The following IPCEF1 variants were observed in gnomAD, a reference collection of about 807,000 sequenced individuals.
IPCEF1 encodes interaction protein for cytohesin exchange factors 1, also known as interactor protein for cytohesin exchange factors 1.
A neutral mutation model predicts 50.9 loss-of-function variants in IPCEF1; 31 were observed. The ratio of observed to expected loss-of-function variants is 0.61; its 90% CI spans 0.46 to 0.82. The LOEUF is 0.82. IPCEF1 is among the 40% of genes least tolerant of loss of function. IPCEF1 has a pLI of 0.00. For missense variants in IPCEF1, 458 were observed against 514.0 expected, an observed-to-expected ratio of 0.89 and a Z score of 1.05; for synonymous variants, 181 against 192.0, an observed-to-expected ratio of 0.94 and a Z score of 0.47.
chr6:154,191,245 T>C (rs998528144), intron 10 of IPCEF1, among the ~76,000 whole-genome samples: 5 of 151,792 alleles, frequency 3.3e-5, no homozygotes, highest in African/African-American at 1.2e-4. Context: ...GGGAGAAGGG[T>C]AGAAGGATGA....
At chr6:154,211,233 G>A (rs112187847) in intron 9 of IPCEF1, among the ~76,000 whole-genome samples, 15 of 151,984 alleles carry the variant, frequency 9.9e-5, no homozygotes, top group African/African-American at 3.1e-4. Flanking sequence ...TGGCTAACAC[G>A]GTGAAATCCC....
At chr6:154,315,832 T>G (rs11754066) in intron 1 of IPCEF1, among the ~76,000 whole-genome samples, 9,949 of 147,422 alleles carry the variant, frequency 0.067, 577 homozygotes, top group African/African-American at 0.17. Context: ...CAATTTTTTT[T>G]GGGGGGGAGC....
chr6:154,227,330 G>A (rs923819431), intron 5 of IPCEF1, among the ~76,000 whole-genome samples: 1 of 152,156 alleles, frequency 6.6e-6, no homozygotes, highest in Non-Finnish European at 1.5e-5. Context: ...CTCATTTTCA[G>A]TACAATAAAT....
chr6:154,175,453 G>C (rs565926114), intron 10 of IPCEF1, among the ~76,000 whole-genome samples: 100 of 148,338 alleles, frequency 6.7e-4, no homozygotes, highest in Non-Finnish European at 1.2e-3. Flanking sequence ...GAAGAAAGAA[G>C]AATCAAATAG....
chr6:154,300,482 C>T (rs1272356398), intron 1 of IPCEF1, among the ~76,000 whole-genome samples: 4 of 152,062 alleles, frequency 2.6e-5, no homozygotes, highest in East Asian at 1.9e-4. Flanking sequence ...GGCATGGTAG[C>T]GTGCACTGTA....
At chr6:154,201,759 G>A (rs1292320227) in intron 9 of IPCEF1, among the ~76,000 whole-genome samples, 1 of 152,186 alleles carries the variant, frequency 6.6e-6, no homozygotes, top group African/African-American at 2.4e-5. Context: ...GCAGGACATG[G>A]TGGCTCATGC....
chr6:154,334,478 AG>A (rs35988173), intron 1 of IPCEF1, among the ~76,000 whole-genome samples: 46,504 of 152,096 alleles, frequency 0.31, 8,155 homozygotes, highest in East Asian at 0.64. Flanking sequence ...AAGGCAAGTG[AG>A]TAAGGTTCTC....
rs1461684263 is a variant in IPCEF1, at chr6:154,168,233, C to A, written c.911-120G>T. Reference sequence around the variant, plus strand: ...TGGCACCCTCATCTCAGACTTCTCTCCGGAACTGAAAGACAATAAATGTTT... The same window carrying A: ...TGGCACCCTCATCTCAGACTTCTCTACGGAACTGAAAGACAATAAATGTTT... On this transcript the variant is annotated intron_variant, in intron 10 of 11. Transcript: ENST00000367220. The surrounding 1 kb of genome is among the most constrained non-coding windows in gnomAD (Gnocchi z 4.1). 1.5e-6 allele frequency: 1 copy of A among 685,496 alleles called. No homozygotes were observed. The highest frequency in any genetic ancestry group is 2.3e-6 in the Non-Finnish European group (1 of 428,396). The allele number at this position is 685,496 out of a possible 1,614,324, so 42.5% of individuals were successfully genotyped here. A position where few individuals can be genotyped will look rare whatever the true frequency, so the allele number is the denominator to read the frequency against.
intron 1 of IPCEF1, among the ~76,000 whole-genome samples, chr6:154,344,448 C>T (rs1056547036): frequency 2.0e-5 from 3 of 152,154 alleles, no homozygotes; most frequent in African/African-American, 7.2e-5. Context: ...CACACATTAT[C>T]TTATAGAAAC....
At chr6:154,277,518 G>A (rs967183595) in intron 2 of IPCEF1, among the ~76,000 whole-genome samples, 1 of 152,112 alleles carries the variant, frequency 6.6e-6, no homozygotes, top group Non-Finnish European at 1.5e-5. Flanking sequence ...TCCCTAATTT[G>A]ACATTCTTTC....
At chr6:154,349,393 T>G (rs1328483891) in intron 1 of IPCEF1, among the ~76,000 whole-genome samples, 1 of 151,358 alleles carries the variant, frequency 6.6e-6, no homozygotes, top group Non-Finnish European at 1.5e-5. Context: ...ATTTTATTTA[T>G]TTATTTATTT....
intron 1 of IPCEF1, among the ~76,000 whole-genome samples, chr6:154,311,361 C>T (rs1468960808): frequency 1.3e-5 from 2 of 152,124 alleles, no homozygotes; most frequent in African/African-American, 4.8e-5. Context: ...CTCTTTTAAT[C>T]CCTTAAATAT....
intron 1 of IPCEF1, among the ~76,000 whole-genome samples, chr6:154,306,144 T>A (rs1782926621): frequency 6.6e-6 from 1 of 152,122 alleles, no homozygotes; most frequent in Non-Finnish European, 1.5e-5. Flanking sequence ...CACCCCGACA[T>A]CTAACTCTGG....
At chr6:154,201,266 T>C (rs1562538138) in intron 9 of IPCEF1, among the ~76,000 whole-genome samples, 1 of 152,202 alleles carries the variant, frequency 6.6e-6, no homozygotes, top group Non-Finnish European at 1.5e-5. Context: ...GGAAAGAACT[T>C]CATTTATTCT....
intron 10 of IPCEF1, among the ~76,000 whole-genome samples, chr6:154,196,247 T>G (rs1194296436): frequency 1.3e-5 from 2 of 152,246 alleles, no homozygotes; most frequent in East Asian, 1.9e-4. Context: ...GGAGGCATAC[T>G]GCATGATTCC....
intron 10 of IPCEF1, among the ~76,000 whole-genome samples, chr6:154,171,895 A>G (rs1051929859): frequency 6.6e-6 from 1 of 152,232 alleles, no homozygotes; most frequent in African/African-American, 2.4e-5. Context: ...AATTCTACTT[A>G]GATTAAGGCA....
chr6:154,194,648 C>A (rs1776440059), intron 10 of IPCEF1, among the ~76,000 whole-genome samples: 1 of 152,140 alleles, frequency 6.6e-6, no homozygotes, highest in African/African-American at 2.4e-5. Flanking sequence ...ACCTACCACT[C>A]CTAACTCCTA....
intron 7 of IPCEF1, among the ~76,000 whole-genome samples, chr6:154,216,444 T>C (rs1236061045): frequency 1.4e-5 from 2 of 143,578 alleles, no homozygotes; most frequent in Non-Finnish European, 3.1e-5. Flanking sequence ...AACCCTAATA[T>C]ACTCTTAATT....
rs1439298846 is a variant in IPCEF1 at position 154,356,207 on chromosome 6, A to G, written c.-62+465T>C. Among the ~76,000 whole-genome samples the G allele has an allele frequency of 2.6e-5, 4 of 152,288 alleles. No individual in the cohort carries two copies. The East Asian group carries it at 5.8e-4, about 22-fold the overall frequency. ...AACACCTAGCTTTCATTTTTATACC[A>G]GAGATATTTTGGCAAGCCTGAGACC... On this transcript the variant is annotated intron_variant, in intron 1 of 11. Transcript: ENST00000367220.
Sources: gnomAD v4.1 joint callset for allele counts (sites outside exome capture counted in the v4.1 genomes callset) on GRCh38, gnomAD v4.1.1 for gene constraint, Gnocchi (gnomAD v3.1) non-coding constraint, MANE v1.5 for transcripts, NCBI Gene and HGNC (gene_info 2026-07-23, HGNC 2026-07-21) for gene names.